CDH13: variants seen among roughly 807,000 people sequenced by gnomAD.
CDH13 encodes the protein cadherin-13.
Under a neutral mutation model 63.8 loss-of-function variants are expected in CDH13, and 24 were observed. That is an observed-to-expected ratio of 0.38 (90% CI 0.27 to 0.53). The LOEUF (loss-of-function observed/expected upper bound fraction) is 0.53, where lower values mean the gene tolerates loss of function less well. CDH13 is among the 20% of genes least tolerant of loss of function. The pLI, the probability that CDH13 is intolerant of heterozygous loss-of-function variation, is 0.85. For missense variants in CDH13, 1,049 were observed against 903.1 expected (o/e 1.16, Z -2.07); for synonymous variants, 503 against 355.3 (o/e 1.42, Z -4.67).
chr16:83,027,990 A>G (rs1915971991), intron 2 of CDH13, among the ~76,000 whole-genome samples: 1 of 152,156 alleles, frequency 6.6e-6, no homozygotes, highest in South Asian at 2.1e-4. Context: ...CTCAGTAAAT[A>G]TTTATGGTAG....
intron 4 of CDH13, among the ~76,000 whole-genome samples, chr16:83,164,251 A>G (rs1213586276): frequency 6.6e-6 from 1 of 152,060 alleles, no homozygotes; most frequent in Non-Finnish European, 1.5e-5. Context: ...TCCATTGTGA[A>G]CACTGAAGGT....
At chr16:82,860,247 A>G (rs1413147102) in intron 2 of CDH13, among the ~76,000 whole-genome samples, 2 of 152,002 alleles carry the variant, frequency 1.3e-5, no homozygotes, top group African/African-American at 4.8e-5. Flanking sequence ...TATAAATGTG[A>G]TTGCTTCTGT....
intron 2 of CDH13, among the ~76,000 whole-genome samples, chr16:82,989,851 C>T (rs1159919120): frequency 1.3e-5 from 2 of 152,088 alleles, no homozygotes; most frequent in East Asian, 1.9e-4. Flanking sequence ...ATGAAGCTGC[C>T]CTTGTTAAAA....
intron 5 of CDH13, among the ~76,000 whole-genome samples, chr16:83,275,571 G>C (rs1278642578): frequency 1.5e-5 from 1 of 66,366 alleles, no homozygotes; most frequent in East Asian, 5.5e-4. Flanking sequence ...GGGGAGCTCA[G>C]AAAGCGTGTA....
chr16:83,064,746 T>G (rs910380712), intron 3 of CDH13, among the ~76,000 whole-genome samples: 4 of 152,192 alleles, frequency 2.6e-5, no homozygotes, highest in African/African-American at 7.2e-5. Context: ...CAAGTCATAA[T>G]TGTATGCATT....
At chr16:83,054,888 A>G (rs552068074) in intron 3 of CDH13, among the ~76,000 whole-genome samples, 2 of 152,268 alleles carry the variant, frequency 1.3e-5, no homozygotes, top group Admixed American at 6.5e-5. Context: ...AACTAAGGGT[A>G]TGCATTCTGC....
intron 4 of CDH13, among the ~76,000 whole-genome samples, chr16:83,152,010 CAA>C (rs11345254): frequency 7.2e-6 from 1 of 137,940 alleles, no homozygotes; most frequent in Non-Finnish European, 1.6e-5. Context: ...GCAAGACAAA[CAA>C]AAAAAAAAAG....
chr16:83,704,347 G>A (rs1906692729), intron 10 of CDH13, among the ~76,000 whole-genome samples: 2 of 151,980 alleles, frequency 1.3e-5, no homozygotes, highest in South Asian at 2.1e-4. Context: ...TTCTCATTTC[G>A]ATGCCAGAAT....
intron 5 of CDH13, among the ~76,000 whole-genome samples, chr16:83,239,060 A>C (rs1904292003): frequency 6.6e-6 from 1 of 152,214 alleles, no homozygotes; most frequent in Non-Finnish European, 1.5e-5. Flanking sequence ...TTAAGAAGCT[A>C]ACACTCACTG....
intron 3 of CDH13, among the ~76,000 whole-genome samples, chr16:83,064,890 T>A (rs1460671573): frequency 6.6e-6 from 1 of 152,152 alleles, no homozygotes; most frequent in African/African-American, 2.4e-5. Context: ...TTAGTTATTT[T>A]GAAATATATA....
At chr16:83,431,946 T>C (rs2072125283) in intron 6 of CDH13, among the ~76,000 whole-genome samples, 1 of 152,134 alleles carries the variant, frequency 6.6e-6, no homozygotes, top group Non-Finnish European at 1.5e-5. Context: ...CATTGGCAGA[T>C]TTTGAGCAGA....
At chr16:83,438,223 C>G (rs2072374439) in intron 6 of CDH13, among the ~76,000 whole-genome samples, 3 of 152,168 alleles carry the variant, frequency 2.0e-5, no homozygotes, top group African/African-American at 4.8e-5. Flanking sequence ...TCAGATGAAA[C>G]TGGAATATTT....
intron 7 of CDH13, among the ~76,000 whole-genome samples, chr16:83,534,714 A>G (rs925676030): frequency 2.0e-5 from 3 of 152,204 alleles, no homozygotes; most frequent in Admixed American, 1.3e-4. Context: ...TTGTTTGCCT[A>G]TCCTTTCACT....
At chr16:83,414,717 G>C (rs559299566) in intron 6 of CDH13, among the ~76,000 whole-genome samples, 2 of 152,174 alleles carry the variant, frequency 1.3e-5, no homozygotes, top group African/African-American at 2.4e-5. Context: ...ATGTCTTCAA[G>C]ATTCATCCAT....
At chr16:82,741,686 C>T (rs1275407680) in intron 1 of CDH13, among the ~76,000 whole-genome samples, 1 of 152,052 alleles carries the variant, frequency 6.6e-6, no homozygotes, top group Non-Finnish European at 1.5e-5. Flanking sequence ...ACAGCCATGG[C>T]ACAAACAGTT....
intron 5 of CDH13, among the ~76,000 whole-genome samples, chr16:83,280,191 C>T (rs1460479362): frequency 1.3e-5 from 2 of 152,212 alleles, no homozygotes; most frequent in African/African-American, 2.4e-5. Flanking sequence ...ATTTTACCTA[C>T]TGCAGAACTT....
intron 10 of CDH13, among the ~76,000 whole-genome samples, chr16:83,713,578 C>G (rs927173273): frequency 3.3e-5 from 5 of 151,878 alleles, no homozygotes; most frequent in Non-Finnish European, 7.4e-5. Context: ...TTACCTCTCA[C>G]AAATGGTATG....
chr16:83,544,128 A>G (rs1158714354), intron 7 of CDH13, among the ~76,000 whole-genome samples: 1 of 152,158 alleles, frequency 6.6e-6, no homozygotes. Flanking sequence ...TGAATGTGAG[A>G]TGATGCTCCC....
intron 1 of CDH13, among the ~76,000 whole-genome samples, chr16:82,672,535 C>A (rs1227707692): frequency 6.6e-6 from 1 of 152,000 alleles, no homozygotes; most frequent in Non-Finnish European, 1.5e-5. Context: ...CAGTATCATT[C>A]TTGGCTCTTC....
Sources: allele counts gnomAD v4.1 joint callset (sites outside exome capture counted in the v4.1 genomes callset), GRCh38; gene constraint gnomAD v4.1.1; transcripts MANE v1.5; gene names NCBI Gene and HGNC (gene_info 2026-07-23, HGNC 2026-07-21).